PEX5: variants seen among roughly 807,000 people sequenced by gnomAD.
The protein encoded by PEX5 is peroxisomal biogenesis factor 5, also known as PTS1 receptor.
In PEX5, 52 loss-of-function variants were observed where a neutral mutation model predicts 82.9. The observed-to-expected ratio is 0.63, with a 90% CI of 0.50 to 0.79. The LOEUF (loss-of-function observed/expected upper bound fraction) is 0.79. PEX5 is among the 30% of genes least tolerant of loss of function. The probability of loss-of-function intolerance (pLI) is 0.00; values close to 1 mark genes in which losing one functional copy is unlikely to be tolerated. For missense variants in PEX5, 719 were observed against 815.2 expected, an observed-to-expected ratio of 0.88 and a Z score of 1.44; for synonymous variants, 300 against 318.8, an observed-to-expected ratio of 0.94 and a Z score of 0.63.
chr12:7,189,820 C>A lies in PEX5; in HGVS notation c.-17+70C>A, dbSNP rs1336192514. On this transcript the variant is annotated intron_variant, in intron 1 of 15. Transcript: ENST00000675855. Reference sequence around the variant, plus strand: ...CCTCCCCACCCTTGCGGTGGCCTCGCGGGTCCCAGGGGCGGGGCTGGAGCG... The same window carrying A: ...CCTCCCCACCCTTGCGGTGGCCTCGAGGGTCCCAGGGGCGGGGCTGGAGCG... 5 of 977,774 alleles carry A rather than the reference C, an allele frequency of 5.1e-6. No individual in the cohort carries two copies. In the African/African-American group the frequency reaches 6.9e-5, roughly 13 times the overall value. The allele number at this position is 977,774 out of a possible 1,614,324, so 60.6% of individuals were successfully genotyped here. A position where few individuals can be genotyped will look rare whatever the true frequency, so the allele number is the denominator to read the frequency against.
chr12:7,211,991 G>GTT (rs1565730270), downstream of PEX5, among the ~76,000 whole-genome samples: 3 of 142,424 alleles, frequency 2.1e-5, no homozygotes, highest in African/African-American at 7.8e-5. Context: ...TTAAGGCAGT[G>GTT]TTTCACTCTT....
At chr12:7,205,271 T>G (rs1357629278) in intron 10 of PEX5, among the ~76,000 whole-genome samples, 1 of 149,898 alleles carries the variant, frequency 6.7e-6, no homozygotes, top group East Asian at 1.9e-4. Flanking sequence ...CTTGCATTAA[T>G]GTTCCTCAAA....
rs889655219 is a variant in PEX5, at chr12:7,197,612, G to C, written c.449-1399G>C. 1.7e-4 allele frequency among the ~76,000 whole-genome samples: 11 copies of C among 64,404 alleles called. No individual in the cohort carries two copies. The Admixed American group carries it at 1.9e-3, about 11-fold the overall frequency. 42.3% of individuals were successfully genotyped at this position (64,404 alleles called of 152,430 possible). A position where few individuals can be genotyped will look rare whatever the true frequency, so the allele number is the denominator to read the frequency against. ...TAATTAGGTGTATTCTGAGAGTCTT[G>C]ATCTTTGTTTTTCACATTTTGACAT... On this transcript the variant is annotated intron_variant, in intron 5 of 15. Transcript: ENST00000675855.
chr12:7,208,742 G>A (rs1220017357), intron 13 of PEX5, 73 bp downstream of exon 13: 5 of 1,316,758 alleles, frequency 3.8e-6, no homozygotes, highest in Non-Finnish European at 5.5e-6. Flanking sequence ...CCTTGGTTTT[G>A]GAAGTTTGGA....
rs1158633681 is a variant in PEX5 at position 7,201,929 on chromosome 12, G to A, written c.642+88G>A. 3 of 950,484 alleles carry A rather than the reference G, an allele frequency of 3.2e-6. No individual in the cohort carries two copies. The East Asian group carries it at 7.2e-5, about 23-fold the overall frequency. The allele number at this position is 950,484 out of a possible 1,614,324, so 58.9% of individuals were successfully genotyped here. ...TTTTCTTACCCCAGTTTAGTTTAAA[G>A]AGAAGGAGAAGAGATCTTAGGTCTC... On this transcript the variant is annotated intron_variant, in intron 7 of 15. Transcript: ENST00000675855.
chr12:7,189,774 CCCGGGGCCGCGT>C, intron 1 of PEX5, 24 bp downstream of exon 1: 1 of 433,664 alleles, frequency 2.3e-6, no homozygotes. Flanking sequence ...CCCGAGGGGG[CCCGGGGCCGCGT>C]CCCTGGGCCC....
Position 7,189,801 on chromosome 12 carries a change from C to T in PEX5, c.-17+51C>T, listed in dbSNP as rs938743099. On this transcript the variant is annotated intron_variant, in intron 1 of 15. Transcript: ENST00000675855. ...CGGGGCCGCGTCCCTGGGCCCTCCC[C>T]ACCCTTGCGGTGGCCTCGCGGGTCC... 1.1e-5 allele frequency: 8 copies of T among 728,968 alleles called. No homozygotes were observed. In the South Asian group the frequency reaches 1.9e-4, roughly 17 times the overall value. The allele number at this position is 728,968 out of a possible 1,614,324, so 45.2% of individuals were successfully genotyped here. A position where few individuals can be genotyped will look rare whatever the true frequency, so the allele number is the denominator to read the frequency against.
chr12:7,213,741 TAA>T (rs1266807017), downstream of PEX5, among the ~76,000 whole-genome samples: 1 of 149,832 alleles, frequency 6.7e-6, no homozygotes, highest in Admixed American at 6.6e-5. Context: ...CTAATTAAAC[TAA>T]AGAGCTTCTG....
Position 7,203,532 on chromosome 12 carries a change from C to T in PEX5, c.947C>T (p.Thr316Met), listed in dbSNP as rs747529713. Residue 316 changes from threonine (T) to methionine (M), a missense_variant, in exon 10 of 16, where the codon ACG becomes ATG. By Grantham distance (81) the Thr-to-Met change is moderately conservative (BLOSUM62 -1). Transcript: ENST00000675855. ...HPWLSDYDDL[T>M]SATYDKGYQF... ...TGGCTTTCTGACTATGATGACCTTA[C>T]GTCAGCTACCTATGATAAGGTGAGG... 3.7e-6 allele frequency: 6 copies of T among 1,613,674 alleles called. No homozygotes were observed. Among genetic ancestry groups the T allele is most frequent in the Admixed American group, 1.7e-5 (1 of 59,950 alleles).
chr12:7,202,012 T>G lies in PEX5; in HGVS notation c.642+171T>G, dbSNP rs1178565190. The G allele has an allele frequency of 4.0e-6, 3 of 753,128 alleles. No homozygotes were observed. The Admixed American group carries it at 6.3e-5, about 16-fold the overall frequency. The allele number at this position is 753,128 out of a possible 1,614,324, so 46.7% of individuals were successfully genotyped here. ...TCCTGCCTCTTCCTTCTAGTGTTCA[T>G]TCCCTCATCTCCTTGCCTACTAACT... On this transcript the variant is annotated intron_variant, in intron 7 of 15. Coordinates refer to ENST00000675855, the MANE Select transcript of PEX5 (RefSeq NM_001351132.2).
downstream of PEX5, among the ~76,000 whole-genome samples, chr12:7,213,716 A>G (rs1047474087): frequency 2.7e-5 from 4 of 149,838 alleles, no homozygotes; most frequent in African/African-American, 9.8e-5. Context: ...AAAAGACAAA[A>G]TTGACAAATG....
Position 7,210,225 on chromosome 12 carries a change from A to AGTG in PEX5, c.*4_*6dup, listed in dbSNP as rs779113938. On this transcript the variant is annotated 3_prime_UTR_variant, in exon 16 of 16. Coordinates refer to ENST00000675855, the MANE Select transcript of PEX5 (RefSeq NM_001351132.2). ...ACTATGTTTGGCCTGCCCCAGTGAC[A>AGTG]GTGGGACGGGCTGCCCTGTGAGTGT... is the stretch of plus-strand genomic sequence containing the variant. 6.8e-6 allele frequency: 11 copies of AGTG among 1,613,830 alleles called. No individual in the cohort carries two copies. Among genetic ancestry groups the AGTG allele is most frequent in the Non-Finnish European group, 1.7e-6 (2 of 1,179,942 alleles).
chr12:7,195,269 A>G (rs1380203200), intron 5 of PEX5, among the ~76,000 whole-genome samples: 1 of 152,146 alleles, frequency 6.6e-6, no homozygotes, highest in Non-Finnish European at 1.5e-5. Flanking sequence ...TTCTCACTCT[A>G]CTAATCTGTA....
downstream of PEX5, among the ~76,000 whole-genome samples, chr12:7,213,773 A>G (rs1251482241): frequency 6.6e-6 from 1 of 150,940 alleles, no homozygotes; most frequent in Non-Finnish European, 1.5e-5. Flanking sequence ...AGAAACTACC[A>G]ACAGAGTGAA....
chr12:7,200,266 AG>A (rs1251878478), intron 6 of PEX5, among the ~76,000 whole-genome samples: 1 of 147,842 alleles, frequency 6.8e-6, no homozygotes, highest in African/African-American at 2.5e-5. Context: ...GGCGGGGCAG[AG>A]GCGCTCCTCA....
At chr12:7,211,730 T>A (rs1363076860), downstream of PEX5, among the ~76,000 whole-genome samples, 2 of 152,168 alleles carry the variant, frequency 1.3e-5, no homozygotes, top group South Asian at 2.1e-4. Context: ...CAGTGCCATA[T>A]AATTGTTAGG....
chr12:7,216,330 A>G (rs1188266094), downstream of PEX5, among the ~76,000 whole-genome samples: 1 of 152,224 alleles, frequency 6.6e-6, no homozygotes, highest in African/African-American at 2.4e-5. Flanking sequence ...GACAAAGGTA[A>G]TAACAACTTA....
At chr12:7,216,605 G>C in intron 17 of PEX5, among the ~76,000 whole-genome samples, 1 of 152,112 alleles carries the variant, frequency 6.6e-6, no homozygotes, top group Admixed American at 6.5e-5. Flanking sequence ...GGACAAAAAG[G>C]TTTGTAAATA....
chr12:7,204,026 A>T (rs76148840), intron 10 of PEX5, among the ~76,000 whole-genome samples: 10,737 of 152,284 alleles, frequency 0.071, 494 homozygotes, highest in South Asian at 0.22. Flanking sequence ...TAGGGTTTTC[A>T]AAGAATTTAT....
Sources: allele counts gnomAD v4.1 joint callset (sites outside exome capture counted in the v4.1 genomes callset), GRCh38; gene constraint gnomAD v4.1.1; transcripts MANE v1.5; gene names NCBI Gene and HGNC (gene_info 2026-07-23, HGNC 2026-07-21).